The following MACROD2 variants were observed in gnomAD, a reference collection of about 807,000 sequenced individuals.
MACROD2 encodes mono-ADP ribosylhydrolase 2.
MACROD2 carries 36 observed loss-of-function variants against 70.4 expected under a neutral mutation model. The observed-to-expected ratio is 0.51, with a 90% CI of 0.39 to 0.68. MACROD2 has a LOEUF of 0.68. Ranked by LOEUF, MACROD2 falls within the 30% of genes least tolerant of loss-of-function variation. The pLI is 0.00. For missense variants in MACROD2, 496 were observed against 538.4 expected (o/e 0.92, Z 0.78); for synonymous variants, 172 against 178.8 (o/e 0.96, Z 0.30).
At chr20:15,350,789 T>C (rs187689499) in intron 6 of MACROD2, among the ~76,000 whole-genome samples, 1 of 152,340 alleles carries the variant, frequency 6.6e-6, no homozygotes, top group Admixed American at 6.5e-5. Flanking sequence ...TTATTACTGA[T>C]TCTTGATATC....
intron 3 of MACROD2, among the ~76,000 whole-genome samples, chr20:14,278,819 G>C (rs948172740): frequency 3.1e-4 from 47 of 151,974 alleles, no homozygotes; most frequent in African/African-American, 1.1e-3. Flanking sequence ...AAAATAATCA[G>C]TAAGTTTTAA....
intron 2 of MACROD2, among the ~76,000 whole-genome samples, chr20:14,016,223 T>C (rs1199636951): frequency 6.6e-6 from 1 of 152,232 alleles, no homozygotes; most frequent in African/African-American, 2.4e-5. Flanking sequence ...CATGTGTATT[T>C]CTTTGGAGAA....
intron 5 of MACROD2, among the ~76,000 whole-genome samples, chr20:15,107,027 T>TTTTTTTTTTTTTTTTTTTTTTTTTG (rs1402166470): frequency 1.3e-5 from 2 of 148,332 alleles, no homozygotes; most frequent in African/African-American, 5.1e-5. Flanking sequence ...CACAATCCTT[T>TTTTTTTTTTTTTTTTTTTTTTTTTG]ATATACCTTT....
In MACROD2 at chr20:14,503,595, A is replaced by C. The variant is rs139019372; in HGVS notation, c.301+10087A>C. ...TGGGACGTTCTCCAGGAGAAGATGA[A>C]CAAGAAGTGATGTCTGAGGAGTTGT... On this transcript the variant is annotated intron_variant, in intron 4 of 17. Transcript: ENST00000684519. Among the ~76,000 whole-genome samples, 457 of 152,298 alleles carry C rather than the reference A, an allele frequency of 3.0e-3. 9 individuals carry two copies. Among genetic ancestry groups the C allele is most frequent in the Admixed American group, 0.028 (427 of 15,300 alleles).
chr20:15,227,823 G>GTTTTTTTTTTTTTTTTTTTTTTTTTTTT lies in MACROD2; in HGVS notation c.419-2091_419-2090insTTTTTTTTTTTTTTTTTTTTTTTTTTTT, dbSNP rs59129207. Among the ~76,000 whole-genome samples, 7 of 46,092 alleles carry GTTTTTTTTTTTTTTTTTTTTTTTTTTTT rather than the reference G, an allele frequency of 1.5e-4. 2 individuals are homozygous for GTTTTTTTTTTTTTTTTTTTTTTTTTTTT. Among genetic ancestry groups the GTTTTTTTTTTTTTTTTTTTTTTTTTTTT allele is most frequent in the Admixed American group, 6.0e-4 (2 of 3,352 alleles). The allele number at this position is 46,092 out of a possible 152,430, so 30.2% of individuals were successfully genotyped here. On this transcript the variant is annotated intron_variant, in intron 5 of 17. Coordinates refer to ENST00000684519, the MANE Select transcript of MACROD2 (RefSeq NM_001351661.2). ...TAACTGGTGTGATAGAATTTCACCT[G>GTTTTTTTTTTTTTTTTTTTTTTTTTTTT]TTTTTTTTTTTTTTTTTTTTTTTTT...
intron 6 of MACROD2, among the ~76,000 whole-genome samples, chr20:15,424,179 A>G (rs1046732881): frequency 6.6e-6 from 1 of 152,174 alleles, no homozygotes; most frequent in African/African-American, 2.4e-5. Flanking sequence ...GGACACAAAC[A>G]TTCAGTCTAT....
chr20:14,595,495 G>C (rs1009352259), intron 4 of MACROD2, among the ~76,000 whole-genome samples: 1 of 152,028 alleles, frequency 6.6e-6, no homozygotes, highest in Non-Finnish European at 1.5e-5. Context: ...AGTTTTTCCC[G>C]GGAACCCCCT....
chr20:16,045,620 T>C (rs1401390789), intron 17 of MACROD2, among the ~76,000 whole-genome samples: 1 of 152,042 alleles, frequency 6.6e-6, no homozygotes, highest in East Asian at 1.9e-4. Context: ...CTTGGTCAGG[T>C]CACATTGCTC....
intron 6 of MACROD2, among the ~76,000 whole-genome samples, chr20:15,405,219 T>G (rs2045983494): frequency 6.6e-6 from 1 of 150,502 alleles, no homozygotes; most frequent in South Asian, 2.1e-4. Flanking sequence ...TGGTGGTGGT[T>G]GCACAATTTT....
intron 8 of MACROD2, among the ~76,000 whole-genome samples, chr20:15,632,125 T>A (rs1166713612): frequency 6.6e-6 from 1 of 150,762 alleles, no homozygotes; most frequent in Non-Finnish European, 1.5e-5. Flanking sequence ...GGCAACAAAA[T>A]GAAATTTGAG....
At chr20:14,862,691 ATATATATAAATATATATATAT>A (rs2073382807) in intron 5 of MACROD2, among the ~76,000 whole-genome samples, 1 of 70,932 alleles carries the variant, frequency 1.4e-5, no homozygotes, top group African/African-American at 5.7e-5. Flanking sequence ...ATATATATAA[ATATATATAAATATATATATAT>A]ATATTTTTTT....
rs572119547 is a variant in MACROD2, at chr20:15,095,567, G to T, written c.419-134373G>T. ...GGGTCTTGCTCTGTAGCCCAGGCTG[G>T]AGTGCAGTGGCACAATCTCGGCTCA... On this transcript the variant is annotated intron_variant, in intron 5 of 17. Transcript: ENST00000684519. Among the ~76,000 whole-genome samples the T allele has an allele frequency of 1.7e-3, 259 of 151,772 alleles. 1 individual carries two copies. The highest frequency in any genetic ancestry group is 6.0e-3 in the African/African-American group (247 of 41,388).
chr20:13,997,660 A>G (rs577250109), intron 1 of MACROD2, among the ~76,000 whole-genome samples: 1 of 152,314 alleles, frequency 6.6e-6, no homozygotes, highest in South Asian at 2.1e-4. Flanking sequence ...TGGAGAATAT[A>G]TAACCAATTT....
chr20:15,382,298 A>G (rs1223803350), intron 6 of MACROD2, among the ~76,000 whole-genome samples: 1 of 152,212 alleles, frequency 6.6e-6, no homozygotes, highest in Non-Finnish European at 1.5e-5. Context: ...CTTTTTGACC[A>G]TTAAATAAAA....
chr20:15,702,757 T>G (rs2050478743), intron 8 of MACROD2, among the ~76,000 whole-genome samples: 1 of 152,176 alleles, frequency 6.6e-6, no homozygotes, highest in Non-Finnish European at 1.5e-5. Context: ...ATCAACGTTA[T>G]TTTTCACAGA....
intron 5 of MACROD2, among the ~76,000 whole-genome samples, chr20:14,932,862 A>G (rs948294229): frequency 1.3e-5 from 2 of 152,162 alleles, no homozygotes; most frequent in Non-Finnish European, 2.9e-5. Flanking sequence ...CACGGCGCCC[A>G]GCAAACTCAT....
intron 2 of MACROD2, among the ~76,000 whole-genome samples, chr20:14,066,274 A>G (rs1441983712): frequency 6.6e-6 from 1 of 152,190 alleles, no homozygotes; most frequent in Non-Finnish European, 1.5e-5. Flanking sequence ...GCATAAACAC[A>G]TTCTGTAATC....
At chr20:14,319,731 T>C (rs2082642063) in intron 3 of MACROD2, among the ~76,000 whole-genome samples, 2 of 152,126 alleles carry the variant, frequency 1.3e-5, no homozygotes, top group Non-Finnish European at 2.9e-5. Context: ...CTTCCTTGAC[T>C]CCATAATATT....
chr20:14,520,717 G>T (rs2123175195), intron 4 of MACROD2, among the ~76,000 whole-genome samples: 1 of 152,250 alleles, frequency 6.6e-6, no homozygotes, highest in South Asian at 2.1e-4. Context: ...AGGTAGAGCT[G>T]ACTCTTCCCT....
Sources: gnomAD v4.1 joint callset for allele counts (sites outside exome capture counted in the v4.1 genomes callset) on GRCh38, gnomAD v4.1.1 for gene constraint, MANE v1.5 for transcripts, NCBI Gene and HGNC (gene_info 2026-07-23, HGNC 2026-07-21) for gene names.